CDH4: variants seen among roughly 807,000 people sequenced by gnomAD.
CDH4 encodes cadherin-4.
In CDH4, 33 loss-of-function variants were observed where a neutral mutation model predicts 86.0. That is an observed-to-expected ratio of 0.38 (90% CI 0.29 to 0.51). The LOEUF (loss-of-function observed/expected upper bound fraction) is 0.51. Ranked by LOEUF, CDH4 falls within the 20% of genes least tolerant of loss-of-function variation. The pLI is 0.86. For missense variants in CDH4, 1,114 were observed against 1,307.4 expected (o/e 0.85, Z 2.28); for synonymous variants, 555 against 549.4 (o/e 1.01, Z -0.14).
intron 2 of CDH4, among the ~76,000 whole-genome samples, chr20:61,541,919 G>A (rs1460328779): frequency 6.6e-6 from 1 of 152,146 alleles, no homozygotes; most frequent in Non-Finnish European, 1.5e-5. Context: ...GGATTGCTCT[G>A]TTTGCTGCTT....
intron 2 of CDH4, chr20:61,718,970 C>T (rs1248808095): frequency 2.1e-6 from 1 of 471,096 alleles, no homozygotes; most frequent in East Asian, 7.0e-5. Context: ...CTCGCCCTGC[C>T]CCCTGCCCTG....
At chr20:61,772,040 T>A (rs944200648) in intron 3 of CDH4, among the ~76,000 whole-genome samples, 2 of 152,230 alleles carry the variant, frequency 1.3e-5, no homozygotes, top group Non-Finnish European at 2.9e-5. Context: ...TGCATCAGTG[T>A]CAGTCCTGAC....
At position 61,424,187 on chromosome 20, in the gene CDH4, A is replaced by G. The variant is rs143203631; in HGVS notation, c.169+169250A>G. 9.4e-4 allele frequency among the ~76,000 whole-genome samples: 143 copies of G among 151,472 alleles called. 1 individual carries two copies. Among genetic ancestry groups the G allele is most frequent in the African/African-American group, 3.2e-3 (133 of 41,270 alleles). On this transcript the variant is annotated intron_variant, in intron 2 of 15. Coordinates refer to ENST00000614565, the MANE Select transcript of CDH4 (RefSeq NM_001794.5). ...ACACATATGTATCCACACATAGCAC[A>G]CATGTATCCACACGCATCCACACAC...
intron 2 of CDH4, among the ~76,000 whole-genome samples, chr20:61,599,111 C>T (rs182080062): frequency 1.3e-5 from 2 of 152,288 alleles, no homozygotes; most frequent in Non-Finnish European, 2.9e-5. Context: ...ACCTCCAATC[C>T]GCCCCTGCAG....
chr20:61,936,048 TGAG>T (rs910868378), intron 15 of CDH4, among the ~76,000 whole-genome samples: 3 of 151,922 alleles, frequency 2.0e-5, no homozygotes, highest in African/African-American at 4.8e-5. Flanking sequence ...CCGCGGGCAC[TGAG>T]GAGAGGACGG....
chr20:61,606,660 C>T (rs2086648051), intron 2 of CDH4, among the ~76,000 whole-genome samples: 1 of 152,226 alleles, frequency 6.6e-6, no homozygotes, highest in South Asian at 2.1e-4. Context: ...GGGAAGTGCA[C>T]CCCGCCGCTC....
chr20:61,433,749 C>T (rs1202815119), intron 2 of CDH4, among the ~76,000 whole-genome samples: 3 of 152,128 alleles, frequency 2.0e-5, no homozygotes, highest in African/African-American at 7.2e-5. Context: ...AGAGTGACCA[C>T]AGGGTGGGTA....
chr20:61,907,480 A>T (rs1162051790), intron 8 of CDH4, among the ~76,000 whole-genome samples: 1 of 152,194 alleles, frequency 6.6e-6, no homozygotes, highest in Non-Finnish European at 1.5e-5. Flanking sequence ...CCCCCAGAAC[A>T]TATGGATCTC....
At chr20:61,800,529 G>T (rs1415658025) in intron 4 of CDH4, among the ~76,000 whole-genome samples, 1 of 152,224 alleles carries the variant, frequency 6.6e-6, no homozygotes, top group African/African-American at 2.4e-5. Context: ...AAAGGAAATG[G>T]AGCCCAGAGA....
intron 2 of CDH4, among the ~76,000 whole-genome samples, chr20:61,524,238 T>C (rs1443990302): frequency 6.6e-6 from 1 of 152,178 alleles, no homozygotes; most frequent in Non-Finnish European, 1.5e-5. Context: ...AATGCTTCCC[T>C]ACTGGAGACA....
At chr20:61,731,449 T>C (rs1163381835) in intron 2 of CDH4, among the ~76,000 whole-genome samples, 1 of 152,072 alleles carries the variant, frequency 6.6e-6, no homozygotes, top group Admixed American at 6.5e-5. Flanking sequence ...CTTTGGAAAG[T>C]GCACGCCGTC....
rs1267073681 is a variant in CDH4, at chr20:61,399,180, C to T, written c.169+144243C>T. On this transcript the variant is annotated intron_variant, in intron 2 of 15. Transcript: ENST00000614565. ...TCACTCTGTCGCCCAGGCCGGACTG[C>T]GGACTGCAGTGGCGCAATCTCGGCT... Among the ~76,000 whole-genome samples, 4 of 41,942 alleles carry T rather than the reference C, an allele frequency of 9.5e-5. 1 individual carries two copies. Among genetic ancestry groups the T allele is most frequent in the Non-Finnish European group, 1.7e-4 (4 of 23,786 alleles). The allele number at this position is 41,942 out of a possible 152,430, so 27.5% of individuals were successfully genotyped here.
intron 3 of CDH4, among the ~76,000 whole-genome samples, chr20:61,771,552 A>C (rs2145984018): frequency 6.8e-6 from 1 of 147,902 alleles, no homozygotes; most frequent in Non-Finnish European, 1.5e-5. Flanking sequence ...TAAACCCAGG[A>C]GGCAGAGGTT....
At chr20:61,473,687 T>C (rs1290207290) in intron 2 of CDH4, among the ~76,000 whole-genome samples, 2 of 152,202 alleles carry the variant, frequency 1.3e-5, no homozygotes, top group African/African-American at 4.8e-5. Context: ...TGTATGATTT[T>C]GTTAAAGTGA....
intron 9 of CDH4, among the ~76,000 whole-genome samples, chr20:61,913,625 C>G (rs1225261443): frequency 6.6e-6 from 1 of 152,232 alleles, no homozygotes; most frequent in Non-Finnish European, 1.5e-5. Context: ...GGCACCGCCA[C>G]CCCGGGAACT....
intron 2 of CDH4, among the ~76,000 whole-genome samples, chr20:61,669,360 G>A (rs565209682): frequency 5.2e-4 from 79 of 152,346 alleles, no homozygotes; most frequent in Non-Finnish European, 9.3e-4. Flanking sequence ...GGTGACCGGC[G>A]GGATGGGAAT....
In CDH4 at chr20:61,681,473, T is replaced by G. The variant is rs1015349948; in HGVS notation, c.170-62090T>G. The stretch of plus-strand genomic sequence containing the variant: ...AAGGGATCTGTTGGCTTCTGAGCTC[T>G]TGTTCTGAGGGGTGGGAGAATTAGA... On this transcript the variant is annotated intron_variant, in intron 2 of 15. Transcript: ENST00000614565. This position sits in a 1 kb window ranked among gnomAD's most constrained non-coding sequence, Gnocchi z 4.5. Among the ~76,000 whole-genome samples, 2 of 152,188 alleles carry G rather than the reference T, an allele frequency of 1.3e-5. No individual in the cohort carries two copies. The highest frequency in any genetic ancestry group is 4.8e-5 in the African/African-American group (2 of 41,452).
chr20:61,565,004 A>G (rs1372633054), intron 2 of CDH4, among the ~76,000 whole-genome samples: 1 of 144,102 alleles, frequency 6.9e-6, no homozygotes, highest in Non-Finnish European at 1.5e-5. Flanking sequence ...CCTGGTAGAC[A>G]GCGGGTACCC....
chr20:61,270,806 G>A (rs977955729), intron 2 of CDH4, among the ~76,000 whole-genome samples: 6 of 152,164 alleles, frequency 3.9e-5, no homozygotes, highest in African/African-American at 1.4e-4. Flanking sequence ...TTTTGTCATG[G>A]TTGAGTGATG....
Sources: allele counts gnomAD v4.1 joint callset (sites outside exome capture counted in the v4.1 genomes callset), GRCh38; gene constraint gnomAD v4.1.1; non-coding constraint Gnocchi (gnomAD v3.1); transcripts MANE v1.5; gene names NCBI Gene and HGNC (gene_info 2026-07-23, HGNC 2026-07-21).